Variants in CD34 observed in about 807,000 individuals in gnomAD.
CD34 encodes CD34 molecule, also known as hematopoietic progenitor cell antigen CD34.
A neutral mutation model predicts 40.1 loss-of-function variants in CD34; 34 were observed. The observed-to-expected ratio is 0.85, with a 90% CI of 0.65 to 1.13. The LOEUF (loss-of-function observed/expected upper bound fraction) is 1.13. Ranked by LOEUF, CD34 falls within the 50% of genes most tolerant of loss-of-function variation. CD34 has a pLI of 0.00. For missense variants in CD34, 426 were observed against 466.9 expected, an observed-to-expected ratio of 0.91 and a Z score of 0.81; for synonymous variants, 209 against 190.0, an observed-to-expected ratio of 1.10 and a Z score of -0.82.
chr1:207,906,989 A>T (rs1422910962), intron 1 of CD34, among the ~76,000 whole-genome samples: 1 of 151,546 alleles, frequency 6.6e-6, no homozygotes, highest in Admixed American at 6.6e-5. Flanking sequence ...AGCACCACAG[A>T]CTCCTGGGTT....
In CD34 at chr1:207,889,591, G is replaced by A. The variant is rs779460921; in HGVS notation, c.628C>T (p.Leu210=). The change falls in exon 5 of 8, where the codon CTG becomes TTG. Residue 210 remains leucine, a synonymous_variant. Transcript: ENST00000310833. ...TCCTCCCCACACAGCACTCGGGCCA[G>A]GCCCTCTCCCCTGTCCTTCTTAAAC... ...AEFKKDRGEG[L]ARVLCGEEQA... is the part of the protein sequence containing the mutation. 2.5e-6 allele frequency: 4 copies of A among 1,613,816 alleles called. No individual in the cohort carries two copies. The highest frequency in any genetic ancestry group is 2.7e-5 in the African/African-American group (2 of 74,920).
At chr1:207,901,928 C>T (rs919963861) in intron 1 of CD34, among the ~76,000 whole-genome samples, 1 of 152,120 alleles carries the variant, frequency 6.6e-6, no homozygotes, top group African/African-American at 2.4e-5. Flanking sequence ...TACTTTTCAG[C>T]GATTTCCAGG....
At chr1:207,905,430 G>A (rs567117272) in intron 1 of CD34, among the ~76,000 whole-genome samples, 6 of 152,300 alleles carry the variant, frequency 3.9e-5, no homozygotes, top group East Asian at 3.9e-4. Context: ...GCCACCGTGC[G>A]TGGCCGGCTT....
rs150401539 is a variant in CD34 at position 207,887,501 on chromosome 1, G to A, written c.*237C>T. 7.9e-3 allele frequency: 4,332 copies of A among 550,124 alleles called. 32 individuals carry two copies. Among genetic ancestry groups the A allele is most frequent in the Non-Finnish European group, 0.01 (3,273 of 315,770 alleles). The allele number at this position is 550,124 out of a possible 1,614,324, so 34.1% of individuals were successfully genotyped here. ...CTTCTCCAGACCTTGGCTTTCCCCCGTCACACGTTTACCCAAAGAAGACCA... is the reference window on the plus strand; with the variant it reads ...CTTCTCCAGACCTTGGCTTTCCCCCATCACACGTTTACCCAAAGAAGACCA... On this transcript the variant is annotated 3_prime_UTR_variant, in exon 8 of 8. Coordinates refer to ENST00000310833, the MANE Select transcript of CD34 (RefSeq NM_001025109.2).
chr1:207,906,713 G>C (rs1285736111), intron 1 of CD34, among the ~76,000 whole-genome samples: 1 of 152,014 alleles, frequency 6.6e-6, no homozygotes, highest in Non-Finnish European at 1.5e-5. Flanking sequence ...GCATGGTGGC[G>C]CATGCCTGTA....
rs1191386072 is a variant in CD34 at position 207,888,090 on chromosome 1, T to G, written c.973-167A>C. 1.9e-6 allele frequency: 3 copies of G among 1,613,958 alleles called. No individual in the cohort carries two copies. In the Admixed American group the frequency reaches 5.0e-5, roughly 27 times the overall value. ...GCAGCTGCATGTGCAGACTCCTTTC[T>G]TCCTGAAGAGTGGTCAGGGTTCCAG... On this transcript the variant is annotated intron_variant, in intron 7 of 7. Coordinates refer to ENST00000310833, the MANE Select transcript of CD34 (RefSeq NM_001025109.2).
In CD34 at chr1:207,882,524, T is replaced by C. The variant is rs1257253083; in HGVS notation, c.*5214A>G. Reference sequence around the variant, plus strand: ...CCATTAACAGATGCCAACATTGAGATGATAAAGATGTTGAAACCATCTGAC... The same window carrying C: ...CCATTAACAGATGCCAACATTGAGACGATAAAGATGTTGAAACCATCTGAC... On this transcript the variant is annotated 3_prime_UTR_variant, in exon 8 of 8. Coordinates refer to ENST00000310833, the MANE Select transcript of CD34 (RefSeq NM_001025109.2). 1 of 152,202 alleles carries C rather than the reference T, an allele frequency of 6.6e-6. No homozygotes were observed. The highest frequency in any genetic ancestry group is 1.5e-5 in the Non-Finnish European group (1 of 68,040). 9.4% of individuals were successfully genotyped at this position (152,202 alleles called of 1,614,324 possible).
In CD34 at chr1:207,882,887, A is replaced by G. The variant is rs563074588; in HGVS notation, c.*4851T>C. ...ATGCCCCTCCCACTCAGAGCTTCCT[A>G]TACCATAGCACTTACACTCAATGCA... On this transcript the variant is annotated 3_prime_UTR_variant, in exon 8 of 8. Coordinates refer to ENST00000310833, the MANE Select transcript of CD34 (RefSeq NM_001025109.2). The G allele has an allele frequency of 4.0e-4, 61 of 152,296 alleles. No homozygotes were observed. Among genetic ancestry groups the G allele is most frequent in the African/African-American group, 1.3e-3 (53 of 41,540 alleles). The allele number at this position is 152,296 out of a possible 1,614,324, so 9.4% of individuals were successfully genotyped here. A position where few individuals can be genotyped will look rare whatever the true frequency, so the allele number is the denominator to read the frequency against.
At chr1:207,907,906 T>C (rs898682239) in intron 1 of CD34, among the ~76,000 whole-genome samples, 3 of 152,200 alleles carry the variant, frequency 2.0e-5, no homozygotes, top group African/African-American at 7.2e-5. Flanking sequence ...GTGTTCTTTT[T>C]CCATACCTTC....
Position 207,887,574 on chromosome 1 carries a change from G to T in CD34, c.*164C>A. The T allele has an allele frequency of 1.1e-6, 1 of 929,952 alleles. No homozygotes were observed. Among genetic ancestry groups the T allele is most frequent in the Non-Finnish European group, 1.6e-6 (1 of 632,662 alleles). 57.6% of individuals were successfully genotyped at this position (929,952 alleles called of 1,614,324 possible). ...ATGTGTAAAGGACAGGAGTTTACCTGCCCCTCCTCAAGGTGTAGGGCCCCA... is the reference window on the plus strand; with the variant it reads ...ATGTGTAAAGGACAGGAGTTTACCTTCCCCTCCTCAAGGTGTAGGGCCCCA... On this transcript the variant is annotated 3_prime_UTR_variant, in exon 8 of 8. Coordinates refer to ENST00000310833, the MANE Select transcript of CD34 (RefSeq NM_001025109.2).
chr1:207,904,449 G>A (rs891631526), intron 1 of CD34, among the ~76,000 whole-genome samples: 3 of 152,224 alleles, frequency 2.0e-5, no homozygotes, highest in Non-Finnish European at 4.4e-5. Context: ...AGGCTCTGCA[G>A]CCAGACAGGC....
chr1:207,898,994 A>T lies in CD34; in HGVS notation c.495T>A (p.Ser165=). 6.2e-7 allele frequency: 1 copy of T among 1,614,164 alleles called. No individual in the cohort carries two copies. The highest frequency in any genetic ancestry group is 8.5e-7 in the Non-Finnish European group (1 of 1,180,024). Residue 165 remains serine, a synonymous_variant, in exon 3 of 8, where the codon TCT becomes TCA. Coordinates refer to ENST00000310833, the MANE Select transcript of CD34 (RefSeq NM_001025109.2). Reference sequence around the variant, plus strand: ...CCACCTTGATGTCACTTAGGATAGGAGAAGATGATGTATAGGGTTTAGTGG... The same window carrying T: ...CCACCTTGATGTCACTTAGGATAGGTGAAGATGATGTATAGGGTTTAGTGG... ...TSPTKPYTSS[S]PILSDIKAEI...
chr1:207,900,831 G>C (rs1449463045), intron 1 of CD34, among the ~76,000 whole-genome samples: 1 of 152,070 alleles, frequency 6.6e-6, no homozygotes, highest in East Asian at 1.9e-4. Flanking sequence ...TACCTCTTAA[G>C]TAAGGGTCTT....
rs941761915 is a variant in CD34 at position 207,885,165 on chromosome 1, G to C, written c.*2573C>G. On this transcript the variant is annotated 3_prime_UTR_variant, in exon 8 of 8. Coordinates refer to ENST00000310833, the MANE Select transcript of CD34 (RefSeq NM_001025109.2). ...TTTGTGTACAAGAGAAATTGGACTAGAGGGTGGGGCAGCCAGGGAGAGAAG... is the reference window on the plus strand; with the variant it reads ...TTTGTGTACAAGAGAAATTGGACTACAGGGTGGGGCAGCCAGGGAGAGAAG... 3 of 152,274 alleles carry C rather than the reference G, an allele frequency of 2.0e-5. No individual in the cohort carries two copies. The highest frequency in any genetic ancestry group is 4.8e-5 in the African/African-American group (2 of 41,448). The allele number at this position is 152,274 out of a possible 1,614,324, so 9.4% of individuals were successfully genotyped here.
intron 1 of CD34, among the ~76,000 whole-genome samples, chr1:207,908,411 CCT>C (rs1241175566): frequency 2.0e-5 from 3 of 152,254 alleles, no homozygotes; most frequent in Non-Finnish European, 2.9e-5. Context: ...GCCTGCTCCT[CCT>C]CTGTCGCCAT....
rs140387904 is a variant in CD34 at position 207,887,836 on chromosome 1, T to C, written c.1060A>G (p.Ser354Gly). Residue 354 changes from serine to glycine, a missense_variant, in exon 8 of 8, where the codon AGT becomes GGT. Ser to Gly is a moderately conservative substitution (Grantham distance 56, BLOSUM62 0). Transcript: ENST00000310833. ...TTTTCCTGAGCCCCTCGGTTCACACTGGCCTTTCCCTGAGCCTCAGGGGAG... is the reference window on the plus strand; with the variant it reads ...TTTTCCTGAGCCCCTCGGTTCACACCGGCCTTTCCCTGAGCCTCAGGGGAG... Reference protein sequence around the residue: ...GTSPEAQGKASVNRGAQENGT... With the variant: ...GTSPEAQGKAGVNRGAQENGT... 4 of 1,614,214 alleles carry C rather than the reference T, an allele frequency of 2.5e-6. No homozygotes were observed. The highest frequency in any genetic ancestry group is 1.1e-5 in the South Asian group (1 of 91,088).
intron 1 of CD34, among the ~76,000 whole-genome samples, chr1:207,908,993 C>G (rs938912955): frequency 6.6e-6 from 1 of 152,190 alleles, no homozygotes. Flanking sequence ...ACTCAGTTAT[C>G]TCATTTATCC....
Position 207,889,403 on chromosome 1 carries a change from C to A in CD34, c.754+62G>T, listed in dbSNP as rs1661981613. The A allele has an allele frequency of 5.1e-6, 8 of 1,556,094 alleles. No individual in the cohort carries two copies. The Admixed American group carries it at 5.6e-5, about 11-fold the overall frequency. On this transcript the variant is annotated intron_variant, in intron 5 of 7. Transcript: ENST00000310833. The stretch of plus-strand genomic sequence containing the variant: ...TGGATCTAAGATGCCCCATCTCCAC[C>A]CAGGATTCTCTAACCTCAGCCCTAC...
chr1:207,902,874 C>T (rs567365981), intron 1 of CD34, among the ~76,000 whole-genome samples: 2 of 152,320 alleles, frequency 1.3e-5, no homozygotes, highest in Admixed American at 1.3e-4. Context: ...GCCAGGCTCG[C>T]AGCTGCAGCA....
Sources: allele counts gnomAD v4.1 joint callset (sites outside exome capture counted in the v4.1 genomes callset), GRCh38; gene constraint gnomAD v4.1.1; transcripts MANE v1.5; gene names NCBI Gene and HGNC (gene_info 2026-07-23, HGNC 2026-07-21).